The following NALF1 variants were observed in gnomAD, a reference collection of about 807,000 sequenced individuals.
NALF1 encodes NALCN channel auxiliary factor 1.
In NALF1, 3 loss-of-function variants were observed where a neutral mutation model predicts 48.4. That is an observed-to-expected ratio of 0.06 (90% CI 0.03 to 0.16). NALF1 has a LOEUF of 0.16. Ranked by LOEUF, NALF1 falls within the 10% of genes least tolerant of loss-of-function variation. NALF1 has a pLI of 1.00. For missense variants in NALF1, 526 were observed against 571.5 expected (o/e 0.92, Z 0.81); for synonymous variants, 262 against 245.7 (o/e 1.07, Z -0.62).
intron 1 of NALF1, among the ~76,000 whole-genome samples, chr13:107,287,679 T>C (rs1881522252): frequency 6.8e-6 from 1 of 147,412 alleles, no homozygotes; most frequent in South Asian, 2.1e-4. Flanking sequence ...CCTGTATGTT[T>C]TTCTTTTCCT....
intron 1 of NALF1, among the ~76,000 whole-genome samples, chr13:107,297,273 G>C (rs1190727818): frequency 4.6e-5 from 7 of 152,268 alleles, no homozygotes; most frequent in Middle Eastern, 3.4e-3. Flanking sequence ...TGAGGACGTA[G>C]TAAGCACAAA....
chr13:107,598,508 G>A (rs562098475), intron 1 of NALF1, among the ~76,000 whole-genome samples: 3 of 152,194 alleles, frequency 2.0e-5, no homozygotes, highest in Admixed American at 6.5e-5. Context: ...AATCATTAAC[G>A]GGATGCCTAA....
At chr13:107,685,564 G>A (rs1021201618) in intron 1 of NALF1, among the ~76,000 whole-genome samples, 6 of 152,110 alleles carry the variant, frequency 3.9e-5, no homozygotes, top group African/African-American at 1.2e-4. Flanking sequence ...AAAAACATAT[G>A]TTGGAATTCA....
chr13:107,211,386 T>C (rs1879758455), intron 1 of NALF1, among the ~76,000 whole-genome samples: 1 of 152,254 alleles, frequency 6.6e-6, no homozygotes, highest in East Asian at 1.9e-4. Flanking sequence ...TGTGGTGTGG[T>C]TGGGAGTAGG....
intron 1 of NALF1, among the ~76,000 whole-genome samples, chr13:107,414,610 G>A (rs1226432525): frequency 2.6e-5 from 4 of 151,588 alleles, no homozygotes; most frequent in Non-Finnish European, 5.9e-5. Flanking sequence ...ATTACCTTGA[G>A]TTTTCTGGGG....
At chr13:107,698,908 G>A (rs974849658) in intron 1 of NALF1, among the ~76,000 whole-genome samples, 1 of 152,024 alleles carries the variant, frequency 6.6e-6, no homozygotes, top group African/African-American at 2.4e-5. Context: ...CATCAGCATT[G>A]GGAATATCAG....
intron 1 of NALF1, among the ~76,000 whole-genome samples, chr13:107,271,442 C>G (rs776999460): frequency 6.6e-6 from 1 of 151,914 alleles, no homozygotes; most frequent in African/African-American, 2.4e-5. Context: ...CAGCCACAGG[C>G]AAAGGAAAAG....
chr13:107,636,816 T>C (rs1340977974), intron 1 of NALF1, among the ~76,000 whole-genome samples: 1 of 151,144 alleles, frequency 6.6e-6, no homozygotes, highest in Non-Finnish European at 1.5e-5. Context: ...AAGTACATAA[T>C]ATATGAGGTA....
intron 1 of NALF1, among the ~76,000 whole-genome samples, chr13:107,494,035 T>TCAC (rs1875240430): frequency 3.3e-5 from 5 of 150,504 alleles, no homozygotes; most frequent in African/African-American, 1.3e-4. Context: ...AATGATTTGA[T>TCAC]TTCAGTACAC....
chr13:107,169,366 C>T lies in NALF1; in HGVS notation c.*1131G>A, dbSNP rs1010186158. 11 of 152,180 alleles carry T rather than the reference C, an allele frequency of 7.2e-5. No individual in the cohort carries two copies. The highest frequency in any genetic ancestry group is 2.7e-4 in the African/African-American group (11 of 41,438). The allele number at this position is 152,180 out of a possible 1,614,324, so 9.4% of individuals were successfully genotyped here. ...GCAGGTGTTTGAGCATTTCTAGTGT[C>T]TCTTCCACAACAATAAGGGAGGAAA... On this transcript the variant is annotated 3_prime_UTR_variant, in exon 3 of 3. Transcript: ENST00000375915.
At chr13:107,796,288 A>G (rs1878422514) in intron 1 of NALF1, among the ~76,000 whole-genome samples, 1 of 152,216 alleles carries the variant, frequency 6.6e-6, no homozygotes, top group Non-Finnish European at 1.5e-5. Context: ...ATCAAATAAC[A>G]TCCAATTTGT....
At chr13:107,752,097 T>C (rs1202622165) in intron 1 of NALF1, among the ~76,000 whole-genome samples, 1 of 152,034 alleles carries the variant, frequency 6.6e-6, no homozygotes, top group Non-Finnish European at 1.5e-5. Flanking sequence ...AAATATTAAA[T>C]AATTTAAAAG....
intron 1 of NALF1, among the ~76,000 whole-genome samples, chr13:107,653,985 G>A (rs934961644): frequency 6.6e-6 from 1 of 151,888 alleles, no homozygotes; most frequent in African/African-American, 2.4e-5. Context: ...CAAAAAATTA[G>A]TGACTAATAA....
chr13:107,719,123 T>C (rs1265447361), intron 1 of NALF1, among the ~76,000 whole-genome samples: 6 of 152,252 alleles, frequency 3.9e-5, no homozygotes, highest in Non-Finnish European at 7.3e-5. Context: ...TAATTACTTA[T>C]ATTCTGTTCA....
rs1566506651 is a variant in NALF1, at chr13:107,852,506, T to C, written c.915+13176A>G. On this transcript the variant is annotated intron_variant, in intron 1 of 2. Transcript: ENST00000375915. Reference sequence around the variant, plus strand: ...GAGAAAATGATCACAAATTAAGACATTAAAATGTTTCTTTATGCAGCATCC... The same window carrying C: ...GAGAAAATGATCACAAATTAAGACACTAAAATGTTTCTTTATGCAGCATCC... 2.0e-5 allele frequency among the ~76,000 whole-genome samples: 3 copies of C among 152,208 alleles called. No individual in the cohort carries two copies. In the South Asian group the frequency reaches 6.2e-4, roughly 32 times the overall value.
At chr13:107,211,109 GTGC>G (rs1338589088) in intron 1 of NALF1, among the ~76,000 whole-genome samples, 1 of 152,184 alleles carries the variant, frequency 6.6e-6, no homozygotes, top group Non-Finnish European at 1.5e-5. Context: ...TTGCTCTTCT[GTGC>G]TGTAGTTACT....
At chr13:107,636,374 C>A (rs9520531) in intron 1 of NALF1, among the ~76,000 whole-genome samples, 89,681 of 151,462 alleles carry the variant, frequency 0.59, 28,476 homozygotes, top group East Asian at 0.99. Context: ...TTGTCTGGTA[C>A]CAATACTATA....
At chr13:107,762,574 G>A (rs757427936) in intron 1 of NALF1, among the ~76,000 whole-genome samples, 2 of 152,102 alleles carry the variant, frequency 1.3e-5, no homozygotes, top group Non-Finnish European at 2.9e-5. Flanking sequence ...GAGGTAAGGC[G>A]GAAGGCAGGT....
intron 1 of NALF1, among the ~76,000 whole-genome samples, chr13:107,522,220 C>A (rs560743831): frequency 6.6e-6 from 1 of 152,098 alleles, no homozygotes; most frequent in Non-Finnish European, 1.5e-5. Context: ...CCTCTTAATG[C>A]TATTGGATAT....
Sources: allele counts gnomAD v4.1 joint callset (sites outside exome capture counted in the v4.1 genomes callset), GRCh38; gene constraint gnomAD v4.1.1; transcripts MANE v1.5; gene names NCBI Gene and HGNC (gene_info 2026-07-23, HGNC 2026-07-21).